ARHGEF7: variants seen among roughly 807,000 people sequenced by gnomAD.
ARHGEF7 encodes the protein PAK-interacting exchange factor beta.
In ARHGEF7, 33 loss-of-function variants were observed where a neutral mutation model predicts 109.8. The observed-to-expected ratio is 0.30, with a 90% CI of 0.23 to 0.40. The LOEUF (loss-of-function observed/expected upper bound fraction) is 0.40, where lower values mean the gene tolerates loss of function less well. ARHGEF7 is among the 10% of genes least tolerant of loss of function. The pLI, the probability that ARHGEF7 is intolerant of heterozygous loss-of-function variation, is 1.00. For missense variants in ARHGEF7, 938 were observed against 1,098.5 expected, an observed-to-expected ratio of 0.85 and a Z score of 2.07; for synonymous variants, 458 against 424.6, an observed-to-expected ratio of 1.08 and a Z score of -0.97.
At chr13:111,152,966 G>A (rs764668516) in intron 1 of ARHGEF7, among the ~76,000 whole-genome samples, 1 of 152,186 alleles carries the variant, frequency 6.6e-6, no homozygotes, top group Non-Finnish European at 1.5e-5. Context: ...GAGTCTGTAG[G>A]CGCCTTCCTG....
intron 8 of ARHGEF7, among the ~76,000 whole-genome samples, chr13:111,250,969 G>T (rs138219801): frequency 6.6e-6 from 1 of 152,352 alleles, no homozygotes; most frequent in Non-Finnish European, 1.5e-5. Flanking sequence ...GGTTTCTAAT[G>T]TAGGCTCTGT....
At chr13:111,288,544 C>T in intron 18 of ARHGEF7, 101 bp downstream of exon 18, 1 of 792,442 alleles carries the variant, frequency 1.3e-6, no homozygotes, top group East Asian at 2.8e-5. Context: ...TTGCACAGCC[C>T]ATGCGCCTGA....
Position 111,228,623 on chromosome 13 carries a change from G to A in ARHGEF7, c.671-4582G>A, listed in dbSNP as rs988520690. 6.6e-6 allele frequency among the ~76,000 whole-genome samples: 1 copy of A among 152,146 alleles called. No homozygotes were observed. Among genetic ancestry groups the A allele is most frequent in the Non-Finnish European group, 1.5e-5 (1 of 68,024 alleles). On this transcript the variant is annotated intron_variant, in intron 5 of 21. Coordinates refer to ENST00000646102, the MANE Select transcript of ARHGEF7 (RefSeq NM_001354046.2). The surrounding 1 kb of genome is among the most constrained non-coding windows in gnomAD (Gnocchi z 4.6). ...TAACATTTTCGAACAAAGATCGAGCGTCTTAGCAGATCATCCCTTGAACAA... is the reference window on the plus strand; with the variant it reads ...TAACATTTTCGAACAAAGATCGAGCATCTTAGCAGATCATCCCTTGAACAA...
intron 8 of ARHGEF7, among the ~76,000 whole-genome samples, chr13:111,251,363 G>A (rs539393140): frequency 2.0e-5 from 3 of 152,312 alleles, no homozygotes; most frequent in Admixed American, 6.5e-5. Flanking sequence ...ACGGGCAGGC[G>A]AGATCAGGTC....
At chr13:111,207,153 A>G (rs1432829728) in intron 3 of ARHGEF7, among the ~76,000 whole-genome samples, 1 of 152,082 alleles carries the variant, frequency 6.6e-6, no homozygotes, top group African/African-American at 2.4e-5. Flanking sequence ...ACTCATATTC[A>G]TCCATGCCTC....
intron 2 of ARHGEF7, among the ~76,000 whole-genome samples, chr13:111,192,231 C>T (rs1326179454): frequency 6.6e-6 from 1 of 151,992 alleles, no homozygotes; most frequent in Non-Finnish European, 1.5e-5. Flanking sequence ...GTGGTGAATC[C>T]AAGATTCCAC....
At chr13:111,218,303 T>C (rs1010434684) in intron 5 of ARHGEF7, among the ~76,000 whole-genome samples, 4 of 152,208 alleles carry the variant, frequency 2.6e-5, no homozygotes, top group African/African-American at 9.6e-5. Flanking sequence ...CTCTTTGTAC[T>C]AGTGATAGTA....
At chr13:111,204,922 G>A (rs1208516986) in intron 2 of ARHGEF7, among the ~76,000 whole-genome samples, 14 of 152,202 alleles carry the variant, frequency 9.2e-5, no homozygotes, top group Admixed American at 9.2e-4. Context: ...GCCTTGCCTG[G>A]GGCCTCTGTG....
Position 111,277,661 on chromosome 13 carries a change from C to T in ARHGEF7, c.1494C>T (p.Gly498=), listed in dbSNP as rs2092564202. ...LMLSASPRMS[G]FIYQGKLPTT... is the part of the protein sequence containing the mutation. The stretch of plus-strand genomic sequence containing the variant: ...TGTCTGCCAGTCCTAGGATGAGTGG[C>T]TTTATCTATCAGGTAAAACACAATT... Residue 498 remains glycine (G), a synonymous_variant, in exon 13 of 22, where the codon GGC becomes GGT. Coordinates refer to ENST00000646102, the MANE Select transcript of ARHGEF7 (RefSeq NM_001354046.2). The T allele has an allele frequency of 1.3e-6, 2 of 1,591,906 alleles. No homozygotes were observed. Among genetic ancestry groups the T allele is most frequent in the African/African-American group, 1.3e-5 (1 of 74,426 alleles).
chr13:111,223,063 T>C (rs2084685964), intron 5 of ARHGEF7, among the ~76,000 whole-genome samples: 1 of 152,210 alleles, frequency 6.6e-6, no homozygotes, highest in Non-Finnish European at 1.5e-5. Context: ...CACATAGGTA[T>C]GTATAGATGG....
At chr13:111,120,370 C>T (rs757438193) in intron 1 of ARHGEF7, among the ~76,000 whole-genome samples, 18 of 152,358 alleles carry the variant, frequency 1.2e-4, no homozygotes, top group Admixed American at 3.9e-4. Flanking sequence ...CATACACACA[C>T]GCATACATGC....
intron 1 of ARHGEF7, among the ~76,000 whole-genome samples, chr13:111,132,634 A>G (rs550698793): frequency 6.6e-6 from 1 of 152,320 alleles, no homozygotes; most frequent in East Asian, 1.9e-4. Flanking sequence ...TGTATTACAT[A>G]TCATGCTAAA....
At chr13:111,122,331 C>G (rs1350189188) in intron 1 of ARHGEF7, among the ~76,000 whole-genome samples, 1 of 152,240 alleles carries the variant, frequency 6.6e-6, no homozygotes, top group East Asian at 1.9e-4. Flanking sequence ...CCTGCCCCAC[C>G]TGGTGTCTGC....
intron 5 of ARHGEF7, among the ~76,000 whole-genome samples, chr13:111,224,067 G>C (rs2084848816): frequency 1.3e-5 from 2 of 152,164 alleles, no homozygotes; most frequent in Admixed American, 1.3e-4. Flanking sequence ...ATGTCAGCCA[G>C]GCTGGCCTCG....
chr13:111,152,579 A>G (rs1474348813), intron 1 of ARHGEF7, among the ~76,000 whole-genome samples: 1 of 152,210 alleles, frequency 6.6e-6, no homozygotes, highest in African/African-American at 2.4e-5. Context: ...GTATAATTTT[A>G]AAACACCTGA....
Position 111,273,267 on chromosome 13 carries a change from T to C in ARHGEF7, c.1074-547T>C, listed in dbSNP as rs1013520103. 6.6e-5 allele frequency among the ~76,000 whole-genome samples: 10 copies of C among 152,236 alleles called. No homozygotes were observed. The highest frequency in any genetic ancestry group is 1.3e-4 in the Non-Finnish European group (9 of 68,040). On this transcript the variant is annotated intron_variant, in intron 9 of 21. Transcript: ENST00000646102. The surrounding 1 kb of genome is among the most constrained non-coding windows in gnomAD (Gnocchi z 4.5). ...AAGTTCTGAAGCCTAAATCAGCGTTTGCTCTCTTCTCTTGCTGCTTCTCGT... is the reference window on the plus strand; with the variant it reads ...AAGTTCTGAAGCCTAAATCAGCGTTCGCTCTCTTCTCTTGCTGCTTCTCGT...
At chr13:111,165,939 G>A (rs2077089997) in intron 2 of ARHGEF7, among the ~76,000 whole-genome samples, 1 of 152,190 alleles carries the variant, frequency 6.6e-6, no homozygotes, top group Admixed American at 6.5e-5. Context: ...ATTAGGGCTG[G>A]GGAGAACAAT....
At chr13:111,135,426 C>A in intron 1 of ARHGEF7, among the ~76,000 whole-genome samples, 1 of 152,158 alleles carries the variant, frequency 6.6e-6, no homozygotes, top group East Asian at 1.9e-4. Context: ...TTCTTCCTAC[C>A]CATGAGCATG....
At chr13:111,245,095 G>A (rs13378156) in intron 8 of ARHGEF7, among the ~76,000 whole-genome samples, 11,326 of 152,168 alleles carry the variant, frequency 0.074, 469 homozygotes, top group South Asian at 0.21. Flanking sequence ...GCGCTGTTGT[G>A]GAGAAGAATT....
Sources: allele counts gnomAD v4.1 joint callset (sites outside exome capture counted in the v4.1 genomes callset), GRCh38; gene constraint gnomAD v4.1.1; non-coding constraint Gnocchi (gnomAD v3.1); transcripts MANE v1.5; gene names NCBI Gene and HGNC (gene_info 2026-07-23, HGNC 2026-07-21).